The following ZNF274 variants were observed in gnomAD, a reference collection of about 807,000 sequenced individuals.
ZNF274 encodes the protein zinc finger protein 274.
A neutral mutation model predicts 42.5 loss-of-function variants in ZNF274; 23 were observed. The observed-to-expected ratio is 0.54, with a 90% CI of 0.39 to 0.77. The LOEUF is 0.77. Among genes scored for constraint, ZNF274 ranks in the 30% least tolerant of loss-of-function variants. ZNF274 has a pLI of 0.00. For synonymous variants in ZNF274, 292 were observed against 305.4 expected (o/e 0.96, Z 0.46); for missense variants, 679 against 806.5 (o/e 0.84, Z 1.91).
rs951413607 is a variant in ZNF274, at chr19:58,200,288, T to C, written c.257-6432T>C. On this transcript the variant is annotated intron_variant, in intron 4 of 7. Transcript: ENST00000617501. ...ATTGCACTGGGCACCTTTCAACTGC[T>C]CATTGGCCCTGCAGCTAATGCTACT... Among the ~76,000 whole-genome samples, 7 of 152,194 alleles carry C rather than the reference T, an allele frequency of 4.6e-5. No individual in the cohort carries two copies. In the East Asian group the frequency reaches 1.2e-3, roughly 25 times the overall value.
At chr19:58,199,760 C>G (rs181938149) in intron 4 of ZNF274, among the ~76,000 whole-genome samples, 2 of 152,316 alleles carry the variant, frequency 1.3e-5, no homozygotes, top group East Asian at 3.9e-4. Flanking sequence ...TCAAATTTGA[C>G]ATGGATATAC....
At chr19:58,186,881 G>A in intron 3 of ZNF274, 66 bp from the exon 4 acceptor site, 1 of 1,394,102 alleles carries the variant, frequency 7.2e-7, no homozygotes. Context: ...GGCTTGTGCT[G>A]CAGTAGGATA....
intron 4 of ZNF274, among the ~76,000 whole-genome samples, chr19:58,204,751 G>A (rs1407549821): frequency 6.6e-6 from 1 of 152,118 alleles, no homozygotes; most frequent in Non-Finnish European, 1.5e-5. Flanking sequence ...CGTTCTTCCA[G>A]TTTTGTCCTA....
rs557898895 is a variant in ZNF274 at position 58,212,909 on chromosome 19, A to C, written c.1728A>C (p.Ser576=). 6.2e-7 allele frequency: 1 copy of C among 1,614,048 alleles called. No homozygotes were observed. Among genetic ancestry groups the C allele is most frequent in the Non-Finnish European group, 8.5e-7 (1 of 1,179,888 alleles). The stretch of plus-strand genomic sequence containing the variant: ...GTGGGAGGACCTTCAATGATCGCTC[A>C]GCCATCTCCCAGCACCTGAGGACTC... ...QECGRTFNDR[S]AISQHLRTHT... The change falls in exon 8 of 8, where the codon TCA becomes TCC. Residue 576 remains serine, a synonymous_variant. Coordinates refer to ENST00000617501, the MANE Select transcript of ZNF274 (RefSeq NM_133502.3). The surrounding 1 kb of genome is among the most constrained non-coding windows in gnomAD (Gnocchi z 4.6).
chr19:58,188,334 A>G (rs1374648186), intron 4 of ZNF274, among the ~76,000 whole-genome samples: 1 of 150,520 alleles, frequency 6.6e-6, no homozygotes, highest in African/African-American at 2.4e-5. Flanking sequence ...AAAGAAAATA[A>G]AATAGGACAG....
Position 58,208,352 on chromosome 19 carries a change from G to C in ZNF274, c.739+1150G>C, listed in dbSNP as rs533511278. 1 of 152,356 alleles carries C rather than the reference G, an allele frequency of 6.6e-6. No individual in the cohort carries two copies. The highest frequency in any genetic ancestry group is 1.5e-5 in the Non-Finnish European group (1 of 68,060). 9.4% of individuals were successfully genotyped at this position (152,356 alleles called of 1,614,324 possible). On this transcript the variant is annotated intron_variant, in intron 5 of 7. Transcript: ENST00000617501. The surrounding 1 kb of genome is among the most constrained non-coding windows in gnomAD (Gnocchi z 4.5). Reference sequence around the variant, plus strand: ...GAGTTGTGTCAGATGCACCAAGTCTGGGGTGCTGTACTTGGCAGAATAATT... The same window carrying C: ...GAGTTGTGTCAGATGCACCAAGTCTCGGGTGCTGTACTTGGCAGAATAATT...
In ZNF274 at chr19:58,212,020, C is replaced by A; in HGVS notation, c.980-141C>A. On this transcript the variant is annotated intron_variant, in intron 7 of 7. Transcript: ENST00000617501. This position sits in a 1 kb window ranked among gnomAD's most constrained non-coding sequence, Gnocchi z 4.6. ...CCCTCCCTGCCGCTTCATTGCTTTT[C>A]AGTCTCTCTCCAGGTTGCATGACTC... The A allele has an allele frequency of 9.7e-7, 1 of 1,028,844 alleles. No individual in the cohort carries two copies. Among genetic ancestry groups the A allele is most frequent in the South Asian group, 1.7e-5 (1 of 59,622 alleles). 63.7% of individuals were successfully genotyped at this position (1,028,844 alleles called of 1,614,324 possible).
intron 4 of ZNF274, among the ~76,000 whole-genome samples, chr19:58,198,559 G>A (rs879783614): frequency 1.3e-5 from 2 of 152,140 alleles, no homozygotes; most frequent in Admixed American, 6.5e-5. Context: ...ATCATCAGTG[G>A]AAAGACATGG....
At chr19:58,190,293 A>T (rs1185534752) in intron 4 of ZNF274, among the ~76,000 whole-genome samples, 1 of 151,802 alleles carries the variant, frequency 6.6e-6, no homozygotes, top group Admixed American at 6.6e-5. Context: ...GACTACAGGC[A>T]TGTGCCACTA....
At chr19:58,197,507 A>C (rs1044143374) in intron 4 of ZNF274, among the ~76,000 whole-genome samples, 2 of 152,194 alleles carry the variant, frequency 1.3e-5, no homozygotes, top group African/African-American at 4.8e-5. Flanking sequence ...ATCTAGAACA[A>C]ATATTTAAAA....
At position 58,185,705 on chromosome 19, in the gene ZNF274, T is replaced by G. The variant is rs955548220; in HGVS notation, c.34-7T>G. The G allele has an allele frequency of 7.0e-7, 1 of 1,437,994 alleles. No homozygotes were observed. The highest frequency in any genetic ancestry group is 9.2e-7 in the Non-Finnish European group (1 of 1,089,862). The allele number at this position is 1,437,994 out of a possible 1,614,324, so 89.1% of individuals were successfully genotyped here. A position where few individuals can be genotyped will look rare whatever the true frequency, so the allele number is the denominator to read the frequency against. ...GCCTGTGGCTGAACAAGAATCTGGATTTTTAGGAACCAGTGACCTTTGAAG... is the reference window on the plus strand; with the variant it reads ...GCCTGTGGCTGAACAAGAATCTGGAGTTTTAGGAACCAGTGACCTTTGAAG... On this transcript the variant is annotated splice_polypyrimidine_tract_variant and splice_region_variant and intron_variant, in intron 2 of 7. Transcript: ENST00000617501.
chr19:58,196,835 T>C (rs899749112), intron 4 of ZNF274, among the ~76,000 whole-genome samples: 8 of 152,216 alleles, frequency 5.3e-5, no homozygotes, highest in African/African-American at 1.9e-4. Context: ...CCCTCTTTAA[T>C]GTCTTTGCCA....
intron 4 of ZNF274, among the ~76,000 whole-genome samples, chr19:58,187,370 C>T (rs1013980109): frequency 6.6e-6 from 1 of 152,102 alleles, no homozygotes; most frequent in African/African-American, 2.4e-5. Flanking sequence ...TATAGGCTTA[C>T]GTGAATGTAT....
At position 58,212,297 on chromosome 19, in the gene ZNF274, G is replaced by A. The variant is rs201563792; in HGVS notation, c.1116G>A (p.Gln372=). Residue 372 remains glutamine, a synonymous_variant, in exon 8 of 8, where the codon CAG becomes CAA. Transcript: ENST00000617501. This position sits in a 1 kb window ranked among gnomAD's most constrained non-coding sequence, Gnocchi z 4.6. ...CCTCTACATTAGAAGATACCTTGCA[G>A]GGTGGGGTCCAGGAAGTCCAAGACA... is the stretch of plus-strand genomic sequence containing the variant. ...ALSSTLEDTL[Q]GGVQEVQDTV... is the part of the protein sequence containing the mutation. 199 of 1,614,020 alleles carry A rather than the reference G, an allele frequency of 1.2e-4. 1 individual carries two copies. The African/African-American group carries it at 2.4e-3, about 19-fold the overall frequency.
Position 58,185,507 on chromosome 19 carries a change from T to C in ZNF274, c.34-205T>C, listed in dbSNP as rs1489753627. 3.2e-5 allele frequency: 11 copies of C among 340,916 alleles called. No homozygotes were observed. The Admixed American group carries it at 5.3e-4, about 16-fold the overall frequency. The allele number at this position is 340,916 out of a possible 1,614,324, so 21.1% of individuals were successfully genotyped here. A position where few individuals can be genotyped will look rare whatever the true frequency, so the allele number is the denominator to read the frequency against. On this transcript the variant is annotated intron_variant, in intron 2 of 7. Transcript: ENST00000617501. Reference sequence around the variant, plus strand: ...ATGCTACAGAGATCTCATGTGTTGCTCTCCTTATTGTAACCTGAATAGAGT... The same window carrying C: ...ATGCTACAGAGATCTCATGTGTTGCCCTCCTTATTGTAACCTGAATAGAGT...
intron 2 of ZNF274, 51 bp downstream of exon 2, chr19:58,184,049 A>T (rs2075665348): frequency 6.4e-7 from 1 of 1,560,966 alleles, no homozygotes; most frequent in African/African-American, 1.4e-5. Context: ...ACCTGGGAGG[A>T]TGCGGATGGT....
chr19:58,197,790 T>C (rs1312228306), intron 4 of ZNF274, among the ~76,000 whole-genome samples: 1 of 152,212 alleles, frequency 6.6e-6, no homozygotes, highest in Admixed American at 6.5e-5. Flanking sequence ...GTCTGGAATG[T>C]TGGGTGGCTG....
intron 4 of ZNF274, among the ~76,000 whole-genome samples, chr19:58,192,743 T>C (rs1220237869): frequency 6.6e-6 from 1 of 152,186 alleles, no homozygotes; most frequent in Non-Finnish European, 1.5e-5. Flanking sequence ...TGCAGCCATC[T>C]TTTATATATT....
At chr19:58,194,778 C>T (rs1213948471) in intron 4 of ZNF274, among the ~76,000 whole-genome samples, 5 of 152,028 alleles carry the variant, frequency 3.3e-5, no homozygotes, top group South Asian at 2.1e-4. Context: ...GAGGCCAAGG[C>T]GGGTGGATCA....
Sources: gnomAD v4.1 joint callset for allele counts (sites outside exome capture counted in the v4.1 genomes callset) on GRCh38, gnomAD v4.1.1 for gene constraint, Gnocchi (gnomAD v3.1) non-coding constraint, MANE v1.5 for transcripts, NCBI Gene and HGNC (gene_info 2026-07-23, HGNC 2026-07-21) for gene names.